Variants in AUTS2 observed in about 807,000 individuals in gnomAD.
AUTS2 encodes the protein activator of transcription and developmental regulator AUTS2.
AUTS2 carries 17 observed loss-of-function variants against 112.4 expected under a neutral mutation model. That is an observed-to-expected ratio of 0.15 (90% CI 0.10 to 0.23). The LOEUF is 0.23. Ranked by LOEUF, AUTS2 falls within the 10% of genes least tolerant of loss-of-function variation. The pLI, the probability that AUTS2 is intolerant of heterozygous loss-of-function variation, is 1.00. For synonymous variants in AUTS2, 751 were observed against 702.7 expected (o/e 1.07, Z -1.09); for missense variants, 1,510 against 1,701.6 (o/e 0.89, Z 1.98).
intron 2 of AUTS2, among the ~76,000 whole-genome samples, chr7:69,986,764 TC>T (rs1227876260): frequency 1.3e-5 from 2 of 152,346 alleles, no homozygotes; most frequent in East Asian, 3.9e-4. Flanking sequence ...CAAATAATGT[TC>T]CCCTCACTTT....
At chr7:69,780,234 A>G (rs1221684166) in intron 1 of AUTS2, among the ~76,000 whole-genome samples, 1 of 152,190 alleles carries the variant, frequency 6.6e-6, no homozygotes, top group Non-Finnish European at 1.5e-5. Context: ...TTTATTCTTA[A>G]TTTATCAAGT....
At chr7:69,758,524 A>G (rs866912152) in intron 1 of AUTS2, among the ~76,000 whole-genome samples, 10 of 152,236 alleles carry the variant, frequency 6.6e-5, no homozygotes, top group South Asian at 6.2e-4. Context: ...TTCCCATCTC[A>G]GAACGGGTAA....
At chr7:70,045,097 A>C (rs1801441298) in intron 2 of AUTS2, among the ~76,000 whole-genome samples, 1 of 152,118 alleles carries the variant, frequency 6.6e-6, no homozygotes, top group African/African-American at 2.4e-5. Context: ...AGTACAGTTA[A>C]TGTTTTATCA....
intron 5 of AUTS2, among the ~76,000 whole-genome samples, chr7:70,501,219 G>T (rs950010925): frequency 1.3e-5 from 2 of 152,172 alleles, no homozygotes; most frequent in African/African-American, 2.4e-5. Context: ...CAAGTTAAAT[G>T]AGTTATTTGT....
intron 4 of AUTS2, among the ~76,000 whole-genome samples, chr7:70,258,056 T>C (rs1786975037): frequency 6.6e-6 from 1 of 152,242 alleles, no homozygotes; most frequent in African/African-American, 2.4e-5. Flanking sequence ...CAATTTACTA[T>C]GCATGTTGTT....
chr7:70,312,434 G>A (rs562251634), intron 4 of AUTS2, among the ~76,000 whole-genome samples: 1 of 152,078 alleles, frequency 6.6e-6, no homozygotes, highest in Non-Finnish European at 1.5e-5. Flanking sequence ...GAATTTGTGT[G>A]TATATAATAT....
At chr7:69,726,555 G>GT (rs1786526061) in intron 1 of AUTS2, among the ~76,000 whole-genome samples, 1 of 148,498 alleles carries the variant, frequency 6.7e-6, no homozygotes, top group African/African-American at 2.5e-5. Context: ...TTTTTTTAAC[G>GT]TAAGTGCCTA....
chr7:70,362,884 G>C (rs912521180), intron 4 of AUTS2, among the ~76,000 whole-genome samples: 28 of 152,332 alleles, frequency 1.8e-4, no homozygotes, highest in African/African-American at 6.7e-4. Context: ...GAACATGGAG[G>C]TGTCCACAGT....
chr7:70,001,332 T>C, intron 2 of AUTS2, among the ~76,000 whole-genome samples: 1 of 152,028 alleles, frequency 6.6e-6, no homozygotes, highest in East Asian at 1.9e-4. Context: ...CATCATGTTG[T>C]CCAGGCTGGT....
At position 70,335,789 on chromosome 7, in the gene AUTS2, A is replaced by G. The variant is rs1208519964; in HGVS notation, c.661-99963A>G. Among the ~76,000 whole-genome samples, 5 of 152,244 alleles carry G rather than the reference A, an allele frequency of 3.3e-5. No individual in the cohort carries two copies. In the East Asian group the frequency reaches 9.6e-4, roughly 29 times the overall value. On this transcript the variant is annotated intron_variant, in intron 4 of 18. Transcript: ENST00000342771. ...AGGTATGGCTGCATGGAAAATGCAT[A>G]CATCCATTGTTGCAAGGCCTTTATT...
intron 6 of AUTS2, among the ~76,000 whole-genome samples, chr7:70,706,003 T>C (rs1003330341): frequency 2.6e-5 from 4 of 152,160 alleles, no homozygotes; most frequent in Non-Finnish European, 2.9e-5. Flanking sequence ...GGCCACCTTG[T>C]CCCATGTGCA....
At chr7:70,013,961 C>A (rs1331948938) in intron 2 of AUTS2, among the ~76,000 whole-genome samples, 3 of 152,128 alleles carry the variant, frequency 2.0e-5, no homozygotes, top group African/African-American at 7.2e-5. Context: ...CGTGATCCAC[C>A]CACCTCGGCC....
chr7:70,425,728 G>A (rs1795406603), intron 4 of AUTS2, among the ~76,000 whole-genome samples: 1 of 152,176 alleles, frequency 6.6e-6, no homozygotes, highest in Admixed American at 6.5e-5. Flanking sequence ...ATTTATGCAA[G>A]ACGTATGTGA....
intron 2 of AUTS2, among the ~76,000 whole-genome samples, chr7:70,110,530 A>G (rs1805016312): frequency 6.6e-6 from 1 of 152,204 alleles, no homozygotes; most frequent in South Asian, 2.1e-4. Context: ...AAATAAATAA[A>G]TAAACAAATA....
intron 4 of AUTS2, among the ~76,000 whole-genome samples, chr7:70,244,153 T>C (rs1812779695): frequency 1.3e-5 from 2 of 152,122 alleles, no homozygotes; most frequent in African/African-American, 4.8e-5. Context: ...AGTTATTTTT[T>C]TATTTTCCAC....
intron 2 of AUTS2, among the ~76,000 whole-genome samples, chr7:69,993,988 G>A (rs1294794757): frequency 6.6e-6 from 1 of 152,160 alleles, no homozygotes; most frequent in Non-Finnish European, 1.5e-5. Context: ...AAAGCTGGCT[G>A]CTTTGGGCCC....
intron 2 of AUTS2, among the ~76,000 whole-genome samples, chr7:70,112,333 A>C (rs1483585746): frequency 6.6e-6 from 1 of 152,030 alleles, no homozygotes; most frequent in East Asian, 1.9e-4. Flanking sequence ...TGTTCATATA[A>C]TTTTTACATT....
At chr7:69,750,990 C>CAT (rs1312068729) in intron 1 of AUTS2, among the ~76,000 whole-genome samples, 2 of 151,922 alleles carry the variant, frequency 1.3e-5, no homozygotes, top group African/African-American at 4.8e-5. Context: ...GGAGGGATAA[C>CAT]AGCAAGCAGT....
intron 4 of AUTS2, among the ~76,000 whole-genome samples, chr7:70,260,144 T>C (rs1384923512): frequency 1.3e-5 from 2 of 151,922 alleles, no homozygotes; most frequent in Non-Finnish European, 2.9e-5. Flanking sequence ...AGCAGGCGGA[T>C]CATGAGGTCA....
Sources: allele counts gnomAD v4.1 joint callset (sites outside exome capture counted in the v4.1 genomes callset), GRCh38; gene constraint gnomAD v4.1.1; transcripts MANE v1.5; gene names NCBI Gene and HGNC (gene_info 2026-07-23, HGNC 2026-07-21).